OR4D1: variants seen among roughly 807,000 people sequenced by gnomAD.
The protein encoded by OR4D1 is olfactory receptor 4D1.
A neutral mutation model predicts 14.2 loss-of-function variants in OR4D1; 10 were observed. The observed-to-expected ratio is 0.71, with a 90% CI of 0.44 to 1.20. The LOEUF (loss-of-function observed/expected upper bound fraction) is 1.20, where lower values mean the gene tolerates loss of function less well. Ranked by LOEUF, OR4D1 falls within the 50% of genes most tolerant of loss-of-function variation. The probability of loss-of-function intolerance (pLI) is 0.00; values close to 1 mark genes in which losing one functional copy is unlikely to be tolerated. For synonymous variants in OR4D1, 141 were observed against 147.4 expected (o/e 0.96, Z 0.32); for missense variants, 345 against 376.6 (o/e 0.92, Z 0.70).
At position 58,157,061 on chromosome 17, in the gene OR4D1, G is replaced by T. The variant is rs752735985; in HGVS notation, c.*975G>T. 1 of 1,323,680 alleles carries T rather than the reference G, an allele frequency of 7.6e-7. No homozygotes were observed. The highest frequency in any genetic ancestry group is 1.0e-6 in the Non-Finnish European group (1 of 972,134). The allele number at this position is 1,323,680 out of a possible 1,614,324, so 82.0% of individuals were successfully genotyped here. A position where few individuals can be genotyped will look rare whatever the true frequency, so the allele number is the denominator to read the frequency against. On this transcript the variant is annotated 3_prime_UTR_variant, in exon 4 of 4. Coordinates refer to ENST00000268912, the MANE Select transcript of OR4D1 (RefSeq NM_001386095.1). ...CCAATGAGAAGGGGCCAGCGGTGGC[G>T]GTCGGGCCAGGTCCGGGGCCTGGGG...
rs1967794490 is a variant in OR4D1 at position 58,157,690 on chromosome 17, G to A, written c.*1604G>A. ...TCCCTTTCCCCATCAGCTCGCCCCTGCAGGCAGCGTCCATATACGCAGCAT... is the reference window on the plus strand; with the variant it reads ...TCCCTTTCCCCATCAGCTCGCCCCTACAGGCAGCGTCCATATACGCAGCAT... On this transcript the variant is annotated 3_prime_UTR_variant, in exon 4 of 4. Coordinates refer to ENST00000268912, the MANE Select transcript of OR4D1 (RefSeq NM_001386095.1). 1 of 1,613,752 alleles carries A rather than the reference G, an allele frequency of 6.2e-7. No individual in the cohort carries two copies. The highest frequency in any genetic ancestry group is 1.3e-5 in the African/African-American group (1 of 74,904).
chr17:58,149,330 A>T (rs1183938549), intron 1 of OR4D1, 99 bp from the exon 2 acceptor site: 1 of 152,188 alleles, frequency 6.6e-6, no homozygotes, highest in Non-Finnish European at 1.5e-5. Flanking sequence ...TGCTTCTAGG[A>T]TTGTAAATCT....
At chr17:58,150,627 A>G (rs1039747942) in intron 2 of OR4D1, among the ~76,000 whole-genome samples, 1 of 152,168 alleles carries the variant, frequency 6.6e-6, no homozygotes, top group East Asian at 1.9e-4. Flanking sequence ...GAAAGAACCC[A>G]CGGTTACTGA....
Position 58,159,242 on chromosome 17 carries a change from C to T in OR4D1, c.*3156C>T, listed in dbSNP as rs1338366679. On this transcript the variant is annotated 3_prime_UTR_variant, in exon 4 of 4. Coordinates refer to ENST00000268912, the MANE Select transcript of OR4D1 (RefSeq NM_001386095.1). ...ACATTGTGCTACTTAGCTGAAATGG[C>T]TTAAATATGGCCCCTTCAAAATTCA... 1 of 152,174 alleles carries T rather than the reference C, an allele frequency of 6.6e-6. No individual in the cohort carries two copies. The highest frequency in any genetic ancestry group is 1.5e-5 in the Non-Finnish European group (1 of 68,036). The allele number at this position is 152,174 out of a possible 1,614,324, so 9.4% of individuals were successfully genotyped here.
At chr17:58,148,946 T>C (rs73993607) in intron 1 of OR4D1, among the ~76,000 whole-genome samples, 3,063 of 152,232 alleles carry the variant, frequency 0.02, 100 homozygotes, top group African/African-American at 0.064. Context: ...CTTCCCTTCT[T>C]TATTGCTGTC....
Position 58,159,533 on chromosome 17 carries a change from TGG to T in OR4D1, c.*3448_*3449del, listed in dbSNP as rs1967824075. The T allele has an allele frequency of 6.6e-6, 1 of 152,576 alleles. No individual in the cohort carries two copies. The highest frequency in any genetic ancestry group is 1.5e-5 in the Non-Finnish European group (1 of 68,152). 9.5% of individuals were successfully genotyped at this position (152,576 alleles called of 1,614,324 possible). On this transcript the variant is annotated 3_prime_UTR_variant, in exon 4 of 4. Coordinates refer to ENST00000268912, the MANE Select transcript of OR4D1 (RefSeq NM_001386095.1). ...ACCAAACCTGTTGGAACCTTAATCTTGGACTGTCCAGCCTCCAGAACTGCAAA... is the reference window on the plus strand; with the variant it reads ...ACCAAACCTGTTGGAACCTTAATCTTACTGTCCAGCCTCCAGAACTGCAAA...
Position 58,157,419 on chromosome 17 carries a change from A to G in OR4D1, c.*1333A>G. ...ACCACCTGCACCCTGAGAAAACACA[A>G]GACCAATCCGAAGCCGCGCACAGCC... is the stretch of plus-strand genomic sequence containing the variant. On this transcript the variant is annotated 3_prime_UTR_variant, in exon 4 of 4. Transcript: ENST00000268912. 8.6e-7 allele frequency: 1 copy of G among 1,166,016 alleles called. No individual in the cohort carries two copies. Among genetic ancestry groups the G allele is most frequent in the Non-Finnish European group, 1.3e-6 (1 of 788,574 alleles). 72.2% of individuals were successfully genotyped at this position (1,166,016 alleles called of 1,614,324 possible).
chr17:58,151,914 G>C (rs1219699481), intron 2 of OR4D1, among the ~76,000 whole-genome samples: 1 of 152,100 alleles, frequency 6.6e-6, no homozygotes, highest in African/African-American at 2.4e-5. Flanking sequence ...CTGGGTCAGG[G>C]AGTATAAATA....
At position 58,151,634 on chromosome 17, in the gene OR4D1, T is replaced by G. The variant is rs1967706255; in HGVS notation, c.-127+1838T>G. ...TTTCACATGTATCCATTCAATTCCC[T>G]TATAAGAGCATCAGTGCAATCACTG... On this transcript the variant is annotated intron_variant, in intron 2 of 3. Transcript: ENST00000268912. 2.0e-5 allele frequency among the ~76,000 whole-genome samples: 3 copies of G among 152,210 alleles called. No homozygotes were observed. In the South Asian group the frequency reaches 6.2e-4, roughly 31 times the overall value.
intron 1 of OR4D1, among the ~76,000 whole-genome samples, chr17:58,148,799 G>T (rs182637159): frequency 2.4e-3 from 367 of 152,210 alleles, no homozygotes; most frequent in Middle Eastern, 6.8e-3. Context: ...ACATACTACA[G>T]CTTCTTCCCA....
At position 58,155,366 on chromosome 17, in the gene OR4D1, C is replaced by T; in HGVS notation, c.213C>T (p.Leu71=). ...TCCGAAATCTAGCTCTCATAGACCTCTGCTATTCCACAGTCACCTCTCCAA... is the reference window on the plus strand; with the variant it reads ...TCCGAAATCTAGCTCTCATAGACCTTTGCTATTCCACAGTCACCTCTCCAA... The part of the protein sequence containing the change: ...FLLRNLALID[L]CYSTVTSPKM... Residue 71 remains leucine, a synonymous_variant, in exon 4 of 4, where the codon CTC becomes CTT. Coordinates refer to ENST00000268912, the MANE Select transcript of OR4D1 (RefSeq NM_001386095.1). The T allele has an allele frequency of 6.2e-7, 1 of 1,614,214 alleles. No individual in the cohort carries two copies. The highest frequency in any genetic ancestry group is 8.5e-7 in the Non-Finnish European group (1 of 1,180,020).
Position 58,157,305 on chromosome 17 carries a change from T to G in OR4D1, c.*1219T>G, listed in dbSNP as rs1967789236. ...GCTGATCAAGCCCTTCGAGACCGCC[T>G]CGGTCAAGTGGGAAAACTCCCTAAG... On this transcript the variant is annotated 3_prime_UTR_variant, in exon 4 of 4. Transcript: ENST00000268912. The G allele has an allele frequency of 1.3e-5, 20 of 1,506,780 alleles. No individual in the cohort carries two copies. In the Middle Eastern group the frequency reaches 1.2e-3, roughly 89 times the overall value. 93.3% of individuals were successfully genotyped at this position (1,506,780 alleles called of 1,614,324 possible).
intron 2 of OR4D1, among the ~76,000 whole-genome samples, chr17:58,151,327 G>C (rs567915180): frequency 6.6e-6 from 1 of 152,136 alleles, no homozygotes; most frequent in Admixed American, 6.5e-5. Flanking sequence ...AGGTAAACAT[G>C]TGCCATGGTG....
rs1567779570 is a variant in OR4D1, at chr17:58,155,579, G to A, written c.426G>A (p.Val142=). The change falls in exon 4 of 4, where the codon GTG becomes GTA. Residue 142 remains valine (V), a synonymous_variant. Coordinates refer to ENST00000268912, the MANE Select transcript of OR4D1 (RefSeq NM_001386095.1). Reference sequence around the variant, plus strand: ...CCATCATGAACACTCAATTGTGTGTGGGCCTGGTAGTAGCCGCCTGGGTGG... The same window carrying A: ...CCATCATGAACACTCAATTGTGTGTAGGCCTGGTAGTAGCCGCCTGGGTGG... The part of the protein sequence containing the change: ...YVTIMNTQLC[V]GLVVAAWVGG... The A allele has an allele frequency of 6.2e-7, 1 of 1,614,124 alleles. No homozygotes were observed. Among genetic ancestry groups the A allele is most frequent in the Non-Finnish European group, 8.5e-7 (1 of 1,180,022 alleles).
rs1967772624 is a variant in OR4D1 at position 58,156,256 on chromosome 17, T to TC, written c.*170_*171insC. 10 of 301,664 alleles carry TC rather than the reference T, an allele frequency of 3.3e-5. No homozygotes were observed. The South Asian group carries it at 6.8e-4, about 20-fold the overall frequency. 18.7% of individuals were successfully genotyped at this position (301,664 alleles called of 1,614,324 possible). The stretch of plus-strand genomic sequence containing the variant: ...TTAAGCACTTCCACGCTTTTTTTCT[T>TC]TTTTTTTTTTTTTAGATGGAGCCTT... On this transcript the variant is annotated 3_prime_UTR_variant, in exon 4 of 4. Coordinates refer to ENST00000268912, the MANE Select transcript of OR4D1 (RefSeq NM_001386095.1).
Position 58,158,816 on chromosome 17 carries a change from A to C in OR4D1, c.*2730A>C, listed in dbSNP as rs1410070994. 2 of 152,472 alleles carry C rather than the reference A, an allele frequency of 1.3e-5. No individual in the cohort carries two copies. The highest frequency in any genetic ancestry group is 1.3e-4 in the Admixed American group (2 of 15,278). The allele number at this position is 152,472 out of a possible 1,614,324, so 9.4% of individuals were successfully genotyped here. On this transcript the variant is annotated 3_prime_UTR_variant, in exon 4 of 4. Coordinates refer to ENST00000268912, the MANE Select transcript of OR4D1 (RefSeq NM_001386095.1). Reference sequence around the variant, plus strand: ...CAATTGGTAGATCCAGAAAGAAAAAAAATTATGCTTTCTCTGTGTGTGTAC... The same window carrying C: ...CAATTGGTAGATCCAGAAAGAAAAACAATTATGCTTTCTCTGTGTGTGTAC...
chr17:58,157,796 C>T lies in OR4D1; in HGVS notation c.*1710C>T, dbSNP rs904251781. 3 of 1,607,102 alleles carry T rather than the reference C, an allele frequency of 1.9e-6. No homozygotes were observed. Among genetic ancestry groups the T allele is most frequent in the African/African-American group, 1.3e-5 (1 of 74,910 alleles). ...GCCAGTGGGATATGGCATGTACCAC[C>T]TGTCCTAAGGAAGACCAGATCAATA... On this transcript the variant is annotated 3_prime_UTR_variant, in exon 4 of 4. Transcript: ENST00000268912.
Position 58,157,715 on chromosome 17 carries a change from T to A in OR4D1, c.*1629T>A. The A allele has an allele frequency of 6.2e-7, 1 of 1,613,844 alleles. No homozygotes were observed. The highest frequency in any genetic ancestry group is 1.1e-5 in the South Asian group (1 of 91,066). ...GCAGGCAGCGTCCATATACGCAGCA[T>A]CCTACCCGTTCCATAGACCTGTGCT... is the stretch of plus-strand genomic sequence containing the variant. On this transcript the variant is annotated 3_prime_UTR_variant, in exon 4 of 4. Coordinates refer to ENST00000268912, the MANE Select transcript of OR4D1 (RefSeq NM_001386095.1).
chr17:58,154,373 A>G (rs1400504206), intron 3 of OR4D1, among the ~76,000 whole-genome samples: 2 of 151,338 alleles, frequency 1.3e-5, no homozygotes, highest in African/African-American at 4.9e-5. Flanking sequence ...GGATATGTGT[A>G]TAATAGAAAA....
Sources: allele counts gnomAD v4.1 joint callset (sites outside exome capture counted in the v4.1 genomes callset), GRCh38; gene constraint gnomAD v4.1.1; transcripts MANE v1.5; gene names NCBI Gene and HGNC (gene_info 2026-07-23, HGNC 2026-07-21).